PDE3B: variants seen among roughly 807,000 people sequenced by gnomAD.
The protein encoded by PDE3B is phosphodiesterase 3B.
A neutral mutation model predicts 116.8 loss-of-function variants in PDE3B; 66 were observed. The ratio of observed to expected loss-of-function variants is 0.56; its 90% confidence interval spans 0.46 to 0.69. The LOEUF is 0.69. Among genes scored for constraint, PDE3B ranks in the 30% least tolerant of loss-of-function variants. PDE3B has a pLI of 0.00. For missense variants in PDE3B, 1,384 were observed against 1,368.1 expected, an observed-to-expected ratio of 1.01 and a Z score of -0.18; for synonymous variants, 595 against 533.6, an observed-to-expected ratio of 1.12 and a Z score of -1.59.
chr11:14,801,714 T>G (rs1858771945), intron 4 of PDE3B, among the ~76,000 whole-genome samples: 1 of 152,200 alleles, frequency 6.6e-6, no homozygotes, highest in Admixed American at 6.5e-5. Context: ...GATGGTTAAG[T>G]CTGCTGAAGC....
intron 1 of PDE3B, among the ~76,000 whole-genome samples, chr11:14,701,103 T>A (rs543248874): frequency 1.3e-5 from 2 of 151,820 alleles, no homozygotes; most frequent in South Asian, 4.1e-4. Flanking sequence ...CATATAGCGC[T>A]TAATATTCCT....
intron 12 of PDE3B, among the ~76,000 whole-genome samples, chr11:14,849,583 A>T (rs1317401351): frequency 6.6e-6 from 1 of 152,178 alleles, no homozygotes; most frequent in Non-Finnish European, 1.5e-5. Context: ...TTCGCAACCT[A>T]CTCATCTGAC....
the PDE3B span, among the ~76,000 whole-genome samples, chr11:14,890,724 TC>T: frequency 6.6e-6 from 1 of 151,682 alleles, no homozygotes; most frequent in Non-Finnish European, 1.5e-5. Context: ...TTTTTTGTAT[TC>T]TTTTAGTAGA....
chr11:14,691,699 A>G (rs568218872), intron 1 of PDE3B, among the ~76,000 whole-genome samples: 1 of 152,198 alleles, frequency 6.6e-6, no homozygotes, highest in African/African-American at 2.4e-5. Context: ...GAGACAGAAT[A>G]TAAGCAAATA....
intron 12 of PDE3B, among the ~76,000 whole-genome samples, chr11:14,854,737 G>A (rs574421204): frequency 2.0e-5 from 3 of 152,142 alleles, no homozygotes; most frequent in Admixed American, 6.6e-5. Context: ...GGATGGTCTC[G>A]ATCTCTTGAC....
At chr11:14,883,583 A>C in the PDE3B span, among the ~76,000 whole-genome samples, 2 of 152,196 alleles carry the variant, frequency 1.3e-5, no homozygotes, top group Middle Eastern at 3.4e-3. Flanking sequence ...TAAAAACCCT[A>C]GAAGAAAACC....
chr11:14,865,850 T>C (rs781845969), intron 14 of PDE3B, among the ~76,000 whole-genome samples: 13 of 152,088 alleles, frequency 8.5e-5, no homozygotes, highest in Admixed American at 2.0e-4. Flanking sequence ...TAAAAAATAA[T>C]AGTGTATGTA....
intron 1 of PDE3B, among the ~76,000 whole-genome samples, chr11:14,645,630 A>G (rs780646560): frequency 2.0e-5 from 3 of 152,218 alleles, no homozygotes; most frequent in South Asian, 2.1e-4. Flanking sequence ...AGGTGAATAT[A>G]ATATTTTACA....
chr11:14,788,896 TA>T, intron 3 of PDE3B: 1 of 359,400 alleles, frequency 2.8e-6, no homozygotes, highest in African/African-American at 2.1e-5. Context: ...AGTTCAGACA[TA>T]TTTTTTAGTA....
At chr11:14,849,434 C>T (rs1590192681) in intron 12 of PDE3B, among the ~76,000 whole-genome samples, 2 of 152,292 alleles carry the variant, frequency 1.3e-5, no homozygotes, top group South Asian at 4.1e-4. Flanking sequence ...TGGGCAAGGA[C>T]TTCATGTCTA....
chr11:14,884,931 T>C, the PDE3B span, among the ~76,000 whole-genome samples: 2 of 152,150 alleles, frequency 1.3e-5, no homozygotes, highest in African/African-American at 4.8e-5. Flanking sequence ...TTTATTTATA[T>C]TACTGCTTTC....
At position 14,847,744 on chromosome 11, in the gene PDE3B, T is replaced by G. The variant is rs184227489; in HGVS notation, c.2520+3718T>G. ...AATAAACTAGAAAATCTAGAAGAAA[T>G]GGATACATTCCTCGACACATACACC... On this transcript the variant is annotated intron_variant, in intron 12 of 15. Coordinates refer to ENST00000282096, the MANE Select transcript of PDE3B (RefSeq NM_000922.4). Among the ~76,000 whole-genome samples the G allele has an allele frequency of 5.7e-4, 87 of 152,142 alleles. No homozygotes were observed. In the East Asian group the frequency reaches 0.012, roughly 21 times the overall value.
chr11:14,705,296 A>C (rs1855495698), intron 1 of PDE3B, among the ~76,000 whole-genome samples: 1 of 151,838 alleles, frequency 6.6e-6, no homozygotes, highest in South Asian at 2.1e-4. Flanking sequence ...ATTGTGCTCT[A>C]TCCCTACCAG....
chr11:14,808,280 A>C (rs1859011897), intron 5 of PDE3B, among the ~76,000 whole-genome samples: 1 of 152,224 alleles, frequency 6.6e-6, no homozygotes, highest in Non-Finnish European at 1.5e-5. Context: ...AGAAAGAAGA[A>C]AACACAAAGC....
chr11:14,808,812 G>A (rs973966538), intron 5 of PDE3B, among the ~76,000 whole-genome samples: 33 of 152,108 alleles, frequency 2.2e-4, no homozygotes, highest in African/African-American at 6.5e-4. Flanking sequence ...TAGCAAAATA[G>A]TACAAGACTT....
chr11:14,852,313 C>T (rs967939877), intron 12 of PDE3B, among the ~76,000 whole-genome samples: 8 of 152,186 alleles, frequency 5.3e-5, no homozygotes, highest in Admixed American at 5.2e-4. Flanking sequence ...GCCTCAGCCT[C>T]CCAAAGTGCT....
Position 14,644,859 on chromosome 11 carries a change from G to A in PDE3B, c.784G>A (p.Gly262Arg). 6.2e-7 allele frequency: 1 copy of A among 1,613,488 alleles called. No homozygotes were observed. The highest frequency in any genetic ancestry group is 8.5e-7 in the Non-Finnish European group (1 of 1,179,690). Reference protein sequence around the residue: ...VGGAGCLLALGLDHFFQIREA... With the variant: ...VGGAGCLLALRLDHFFQIREA... ...GGGCGCTGGCTGCCTGCTGGCCCTG[G>A]GGTTGGATCACTTCTTTCAAATCAG... is the stretch of plus-strand genomic sequence containing the variant. Residue 262 changes from glycine (G) to arginine (R), a missense_variant, in exon 1 of 16, where the codon GGG becomes AGG. Around this residue, in one of 2 missense-constraint regions of PDE3B, gnomAD observed 956 missense variants for 806.8 expected, o/e 1.18. Transcript: ENST00000282096.
chr11:14,686,851 C>A (rs1163804153), intron 1 of PDE3B, among the ~76,000 whole-genome samples: 1 of 151,980 alleles, frequency 6.6e-6, no homozygotes, highest in Non-Finnish European at 1.5e-5. Context: ...GTAGCTGGGA[C>A]TACAGGCGCC....
At chr11:14,721,247 T>G (rs964534095) in intron 1 of PDE3B, among the ~76,000 whole-genome samples, 2 of 152,158 alleles carry the variant, frequency 1.3e-5, no homozygotes, top group Non-Finnish European at 2.9e-5. Flanking sequence ...CCAGTTAGAA[T>G]GGCAATCATT....
Sources: allele counts gnomAD v4.1 joint callset (sites outside exome capture counted in the v4.1 genomes callset), GRCh38; gene constraint gnomAD v4.1.1; regional missense constraint gnomAD v4.1.1; transcripts MANE v1.5; gene names NCBI Gene and HGNC (gene_info 2026-07-23, HGNC 2026-07-21).